LILRA1: variants seen among roughly 807,000 people sequenced by gnomAD.
The protein encoded by LILRA1 is leukocyte immunoglobulin-like receptor subfamily A member 1.
Under a neutral mutation model 51.6 loss-of-function variants are expected in LILRA1, and 51 were observed. The ratio of observed to expected loss-of-function variants is 0.99; its 90% CI spans 0.79 to 1.25. The LOEUF is 1.25. Among genes scored for constraint, LILRA1 ranks in the 50% most tolerant of loss-of-function variants. The pLI is 0.00. For missense variants in LILRA1, 660 were observed against 611.7 expected (o/e 1.08, Z -0.83); for synonymous variants, 305 against 248.4 (o/e 1.23, Z -2.14).
At chr19:54,595,446 G>T in intron 5 of LILRA1, 44 bp downstream of exon 5, 1 of 1,571,754 alleles carries the variant, frequency 6.4e-7, no homozygotes, top group Middle Eastern at 1.7e-4. Context: ...GAGTCTCCCT[G>T]AGTCTCCAGG....
chr19:54,594,716 A>C lies in LILRA1; in HGVS notation c.122A>C (p.Gln41Pro). The change falls in exon 4 of 10, where the codon CAG becomes CCG. Residue 41 changes from glutamine to proline, a missense_variant. Gln to Pro is a moderately conservative substitution (Grantham distance 76). Coordinates refer to ENST00000251372, the MANE Select transcript of LILRA1 (RefSeq NM_006863.4). ...GCTGAGCCAGGCTCTGTGATCACCCAGGGGAGTCCCGTGACCCTCTGGTGT... is the reference window on the plus strand; with the variant it reads ...GCTGAGCCAGGCTCTGTGATCACCCCGGGGAGTCCCGTGACCCTCTGGTGT... ...LWAEPGSVIT[Q>P]GSPVTLWCQG... is the part of the protein sequence containing the mutation. 6 of 1,613,910 alleles carry C rather than the reference A, an allele frequency of 3.7e-6. No homozygotes were observed. Among genetic ancestry groups the C allele is most frequent in the Non-Finnish European group, 5.1e-6 (6 of 1,179,870 alleles).
At chr19:54,599,601 C>A in intron 8 of LILRA1, 1 of 1,072,892 alleles carries the variant, frequency 9.3e-7, no homozygotes, top group Non-Finnish European at 1.1e-6. Context: ...TTGTATAAAC[C>A]GTAAGACAAT....
Position 54,595,790 on chromosome 19 carries a change from A to ATTGG in LILRA1, c.813_814insTTGG (p.Gln272LeufsTer94), listed in dbSNP as rs768366103. 8.0e-6 allele frequency: 6 copies of ATTGG among 749,130 alleles called. No homozygotes were observed. The African/African-American group carries it at 1.0e-4, about 12-fold the overall frequency. 46.4% of individuals were successfully genotyped at this position (749,130 alleles called of 1,614,324 possible). On this transcript the variant is annotated frameshift_variant, in exon 6 of 10. Coordinates refer to ENST00000251372, the MANE Select transcript of LILRA1 (RefSeq NM_006863.4). LOFTEE classifies it high-confidence loss of function. ...GTGACTTCCTCCAGCTCCCTGGCCC[A>ATTGG]CAGCCCCAGGCTGGGCTCTCCCAGG...
At position 54,600,697 on chromosome 19, in the gene LILRA1, A is replaced by G. The variant is rs2063147815; in HGVS notation, c.1352-2A>G. 6.2e-7 allele frequency: 1 copy of G among 1,613,998 alleles called. No homozygotes were observed. On this transcript the variant is annotated splice_acceptor_variant, in intron 9 of 9. Transcript: ENST00000251372. LOFTEE classifies it high-confidence loss of function. ...TGTGACCTCTTTGCCCACCATCCCCAGCCTCACACCCCCAGGATTACACAG... is the reference window on the plus strand; with the variant it reads ...TGTGACCTCTTTGCCCACCATCCCCGGCCTCACACCCCCAGGATTACACAG...
Position 54,595,684 on chromosome 19 carries a change from TG to T in LILRA1, c.709del (p.Ala237ProfsTer6), listed in dbSNP as rs757050396. The T allele has an allele frequency of 1.2e-6, 2 of 1,613,806 alleles. No individual in the cohort carries two copies. The highest frequency in any genetic ancestry group is 1.7e-6 in the Non-Finnish European group (2 of 1,179,886). On this transcript the variant is annotated frameshift_variant, in exon 6 of 10. Coordinates refer to ENST00000251372, the MANE Select transcript of LILRA1 (RefSeq NM_006863.4). LOFTEE classifies it high-confidence loss of function. ...PSLSVQPGPI[V>X]APGESLTLQC... ...CTCTCAGTGCAGCCAGGTCCTATAGTGGCCCCTGGGGAGAGCCTGACCCTCC... is the reference window on the plus strand; with the variant it reads ...CTCTCAGTGCAGCCAGGTCCTATAGTGCCCCTGGGGAGAGCCTGACCCTCC...
In LILRA1 at chr19:54,601,262, A is replaced by T. The variant is rs2063156797; in HGVS notation, c.*445A>T. 5.3e-6 allele frequency: 1 copy of T among 190,154 alleles called. No homozygotes were observed. Among genetic ancestry groups the T allele is most frequent in the South Asian group, 1.1e-4 (1 of 8,862 alleles). The allele number at this position is 190,154 out of a possible 1,614,324, so 11.8% of individuals were successfully genotyped here. On this transcript the variant is annotated 3_prime_UTR_variant, in exon 10 of 10. Coordinates refer to ENST00000251372, the MANE Select transcript of LILRA1 (RefSeq NM_006863.4). ...CAATTCAGAGTTCCAAACGTGCTTC[A>T]GTAACTAAATCAATGGGAGAGTATC...
rs148921901 is a variant in LILRA1 at position 54,594,890 on chromosome 19, T to C, written c.296T>C (p.Phe99Ser). Residue 99 changes from phenylalanine (F) to serine (S), a missense_variant, in exon 4 of 10, where the codon TTC becomes TCC. Coordinates refer to ENST00000251372, the MANE Select transcript of LILRA1 (RefSeq NM_006863.4). ...GAACACACAGGGCGGTATCGCTGTT[T>C]CTACGGTAGCCACACTGCAGGCTGG... ...TWEHTGRYRCFYGSHTAGWSE... is the reference protein window; with the variant it reads ...TWEHTGRYRCSYGSHTAGWSE... 1.9e-6 allele frequency: 3 copies of C among 1,613,982 alleles called. No homozygotes were observed. The highest frequency in any genetic ancestry group is 2.5e-6 in the Non-Finnish European group (3 of 1,179,990).
chr19:54,598,496 CA>C (rs1568545450), intron 7 of LILRA1, among the ~76,000 whole-genome samples: 1 of 152,176 alleles, frequency 6.6e-6, no homozygotes, highest in Non-Finnish European at 1.5e-5. Context: ...GCGGGAGCTA[CA>C]GTGCAGCTCA....
chr19:54,600,677 C>T lies in LILRA1; in HGVS notation c.1352-22C>T, dbSNP rs776910385. 45 of 1,613,770 alleles carry T rather than the reference C, an allele frequency of 2.8e-5. No individual in the cohort carries two copies. The South Asian group carries it at 4.9e-4, about 18-fold the overall frequency. On this transcript the variant is annotated intron_variant, in intron 9 of 9. Coordinates refer to ENST00000251372, the MANE Select transcript of LILRA1 (RefSeq NM_006863.4). ...AGTTGATCTGCCCTGACCTCTGTGA[C>T]CTCTTTGCCCACCATCCCCAGCCTC... is the stretch of plus-strand genomic sequence containing the variant.
chr19:54,599,563 T>C (rs2063129015), intron 8 of LILRA1: 1 of 1,139,842 alleles, frequency 8.8e-7, no homozygotes, highest in Non-Finnish European at 1.1e-6. Context: ...TGCTTTTCAA[T>C]GGATCTCCTC....
Position 54,595,697 on chromosome 19 carries a change from G to A in LILRA1, c.720G>A (p.Glu240=), listed in dbSNP as rs780967722. ...VQPGPIVAPG[E]SLTLQCVSDV... ...CAGGTCCTATAGTGGCCCCTGGGGA[G>A]AGCCTGACCCTCCAGTGTGTTTCTG... The change falls in exon 6 of 10, where the codon GAG becomes GAA. Residue 240 remains glutamate, a synonymous_variant. Coordinates refer to ENST00000251372, the MANE Select transcript of LILRA1 (RefSeq NM_006863.4). 1.7e-5 allele frequency: 28 copies of A among 1,613,894 alleles called. No homozygotes were observed. The highest frequency in any genetic ancestry group is 3.3e-5 in the Admixed American group (2 of 59,984).
rs59777368 is a variant in LILRA1 at position 54,596,310 on chromosome 19, G to A, written c.1080G>A (p.Ala360=). ...TCCACACTTTCCTTCTGACCAAGGC[G>A]GGAGCAGCTGATGCCCCCCTCCGTC... ...GPFHTFLLTK[A]GAADAPLRLR... is the part of the protein sequence containing the mutation. The change falls in exon 7 of 10, where the codon GCG becomes GCA. Residue 360 remains alanine (A), a synonymous_variant. Transcript: ENST00000251372. The A allele has an allele frequency of 1.9e-5, 30 of 1,613,964 alleles. No individual in the cohort carries two copies. Among genetic ancestry groups the A allele is most frequent in the African/African-American group, 1.2e-4 (9 of 74,866 alleles).
chr19:54,600,864 A>G lies in LILRA1; in HGVS notation c.*47A>G, dbSNP rs1459970486. On this transcript the variant is annotated 3_prime_UTR_variant, in exon 10 of 10. Transcript: ENST00000251372. ...GCAGAGAGAAGAATGTACCCTTCAG[A>G]GTGGTGGAGCCTTGGGAACAGATCT... 6.2e-7 allele frequency: 1 copy of G among 1,604,076 alleles called. No homozygotes were observed. Among genetic ancestry groups the G allele is most frequent in the Non-Finnish European group, 8.5e-7 (1 of 1,171,034 alleles).
At chr19:54,595,565 G>A in intron 5 of LILRA1, 74 bp from the exon 6 acceptor site, 3 of 1,556,696 alleles carry the variant, frequency 1.9e-6, no homozygotes, top group Non-Finnish European at 2.6e-6. Context: ...CAGTGGTGAG[G>A]CCCCGGGGGA....
chr19:54,600,448 A>G (rs2063143100), intron 8 of LILRA1, 64 bp from the exon 9 acceptor site: 2 of 1,534,046 alleles, frequency 1.3e-6, no homozygotes, highest in African/African-American at 1.4e-5. Context: ...ATAGGGGAAG[A>G]TAAGAATGCA....
At chr19:54,600,109 T>C (rs1035786121) in intron 8 of LILRA1, among the ~76,000 whole-genome samples, 4 of 152,124 alleles carry the variant, frequency 2.6e-5, no homozygotes, top group Non-Finnish European at 4.4e-5. Flanking sequence ...CTTCTGACAC[T>C]GGGGAGCCCC....
chr19:54,600,856 C>T lies in LILRA1; in HGVS notation c.*39C>T, dbSNP rs372180636. On this transcript the variant is annotated 3_prime_UTR_variant, in exon 10 of 10. Transcript: ENST00000251372. ...GGTGAACAGCAGAGAGAAGAATGTA[C>T]CCTTCAGAGTGGTGGAGCCTTGGGA... 6.2e-7 allele frequency: 1 copy of T among 1,607,992 alleles called. No homozygotes were observed.
chr19:54,597,321 C>A lies in LILRA1; in HGVS notation c.1261+830C>A, dbSNP rs572360220. Among the ~76,000 whole-genome samples, 4 of 152,268 alleles carry A rather than the reference C, an allele frequency of 2.6e-5. No homozygotes were observed. In the South Asian group the frequency reaches 8.3e-4, roughly 32 times the overall value. On this transcript the variant is annotated intron_variant, in intron 7 of 9. Coordinates refer to ENST00000251372, the MANE Select transcript of LILRA1 (RefSeq NM_006863.4). ...TCCAGGGATGGGGCAGGTGTTCCCTCCGTGGTGTTCAGAGGGGAGAGAGGT... is the reference window on the plus strand; with the variant it reads ...TCCAGGGATGGGGCAGGTGTTCCCTACGTGGTGTTCAGAGGGGAGAGAGGT...
At position 54,593,870 on chromosome 19, in the gene LILRA1, G is replaced by A. The variant is rs112131092; in HGVS notation, c.-49+89G>A. ...CTGTGAGAAGGAAAGGGAAGCCTCC[G>A]TTACCCTCATCTGGAAGGGCAGACG... On this transcript the variant is annotated intron_variant, in intron 1 of 9. Transcript: ENST00000251372. 946 of 551,030 alleles carry A rather than the reference G, an allele frequency of 1.7e-3. 15 individuals are homozygous for A. The highest frequency in any genetic ancestry group is 0.016 in the African/African-American group (792 of 51,014). 34.1% of individuals were successfully genotyped at this position (551,030 alleles called of 1,614,324 possible). A position where few individuals can be genotyped will look rare whatever the true frequency, so the allele number is the denominator to read the frequency against.
Sources: gnomAD v4.1 joint callset for allele counts (sites outside exome capture counted in the v4.1 genomes callset) on GRCh38, gnomAD v4.1.1 for gene constraint, MANE v1.5 for transcripts, NCBI Gene and HGNC (gene_info 2026-07-23, HGNC 2026-07-21) for gene names.